The following NALCN variants were observed in gnomAD, a reference collection of about 807,000 sequenced individuals.
NALCN encodes the protein sodium leak channel NALCN.
A neutral mutation model predicts 225.3 loss-of-function variants in NALCN; 111 were observed. The ratio of observed to expected loss-of-function variants is 0.49; its 90% CI spans 0.42 to 0.58. The LOEUF is 0.58. Among genes scored for constraint, NALCN ranks in the 20% least tolerant of loss-of-function variants. NALCN has a pLI of 0.00. For synonymous variants in NALCN, 764 were observed against 769.0 expected (o/e 0.99, Z 0.11); for missense variants, 1,378 against 2,202.4 (o/e 0.63, Z 7.49).
chr13:101,191,141 A>G (rs2039663822), intron 14 of NALCN, among the ~76,000 whole-genome samples: 1 of 151,940 alleles, frequency 6.6e-6, no homozygotes, highest in Non-Finnish European at 1.5e-5. Context: ...TATTCCTGAT[A>G]AAGGGAAACA....
At chr13:101,129,307 A>T (rs1003489217) in intron 17 of NALCN, among the ~76,000 whole-genome samples, 23 of 152,316 alleles carry the variant, frequency 1.5e-4, no homozygotes, top group African/African-American at 5.3e-4. Context: ...ATTACTATTT[A>T]AAAAATGTCA....
intron 15 of NALCN, among the ~76,000 whole-genome samples, chr13:101,159,116 A>G (rs745547210): frequency 2.0e-5 from 3 of 152,232 alleles, no homozygotes; most frequent in African/African-American, 4.8e-5. Context: ...AAATAATAGG[A>G]AAGTGGGAAA....
intron 20 of NALCN, among the ~76,000 whole-genome samples, chr13:101,109,774 T>A (rs1278096187): frequency 6.6e-6 from 1 of 152,200 alleles, no homozygotes; most frequent in Non-Finnish European, 1.5e-5. Context: ...ATTTTTTTCA[T>A]GTCTCCTTCA....
At chr13:101,097,499 A>C (rs1461043295) in intron 27 of NALCN, among the ~76,000 whole-genome samples, 2 of 152,146 alleles carry the variant, frequency 1.3e-5, no homozygotes, top group Admixed American at 1.3e-4. Flanking sequence ...CTTTGATTGC[A>C]TGAAGCAGTC....
At chr13:101,380,508 G>T (rs928283720) in intron 3 of NALCN, among the ~76,000 whole-genome samples, 3 of 152,078 alleles carry the variant, frequency 2.0e-5, no homozygotes, top group Non-Finnish European at 4.4e-5. Flanking sequence ...ATTAAATCAT[G>T]AATTCTGTAA....
intron 10 of NALCN, among the ~76,000 whole-genome samples, chr13:101,281,016 G>T (rs2043151223): frequency 2.0e-5 from 3 of 151,954 alleles, no homozygotes; most frequent in African/African-American, 7.3e-5. Flanking sequence ...AAGTAGCTGG[G>T]ATTACAGGCG....
At position 101,245,815 on chromosome 13, in the gene NALCN, G is replaced by C. The variant is rs187569742; in HGVS notation, c.1267-7893C>G. Among the ~76,000 whole-genome samples the C allele has an allele frequency of 4.2e-3, 642 of 152,244 alleles. 4 individuals are homozygous for C. The highest frequency in any genetic ancestry group is 0.014 in the African/African-American group (591 of 41,542). ...CCCTTTGCAAACCCCCACCTTTTCT[G>C]TGCGGCAGATGGATAATTGAAAGTA... On this transcript the variant is annotated intron_variant, in intron 11 of 43. Transcript: ENST00000251127.
chr13:101,135,835 A>G (rs922285953), intron 17 of NALCN, among the ~76,000 whole-genome samples: 21 of 152,256 alleles, frequency 1.4e-4, no homozygotes, highest in Non-Finnish European at 5.9e-5. Context: ...AAGTTTAAAA[A>G]GAAGAGCAAA....
chr13:101,363,289 C>T (rs1228680938), intron 6 of NALCN, among the ~76,000 whole-genome samples: 3 of 152,046 alleles, frequency 2.0e-5, no homozygotes, highest in East Asian at 1.9e-4. Context: ...AAAGCAATCT[C>T]GTGCAAAAAG....
intron 15 of NALCN, among the ~76,000 whole-genome samples, chr13:101,168,384 G>A (rs1016147377): frequency 6.6e-6 from 1 of 151,924 alleles, no homozygotes; most frequent in East Asian, 1.9e-4. Context: ...GCATCTCAGG[G>A]AAAATATGAC....
At chr13:101,182,783 C>A (rs984713926) in intron 14 of NALCN, among the ~76,000 whole-genome samples, 6 of 152,132 alleles carry the variant, frequency 3.9e-5, no homozygotes, top group African/African-American at 4.8e-5. Context: ...ACAGAAGATT[C>A]AGGAGGTGCA....
intron 7 of NALCN, among the ~76,000 whole-genome samples, chr13:101,342,301 T>C (rs1251940684): frequency 1.3e-5 from 2 of 152,152 alleles, no homozygotes; most frequent in African/African-American, 4.8e-5. Flanking sequence ...TGAGAATCTG[T>C]TTGTTTTAAA....
chr13:101,217,559 G>A (rs1436302499), intron 13 of NALCN, among the ~76,000 whole-genome samples: 1 of 152,136 alleles, frequency 6.6e-6, no homozygotes, highest in Non-Finnish European at 1.5e-5. Context: ...TATACTGATA[G>A]AGTCCTAGCT....
chr13:101,267,646 CA>C (rs2140242902), intron 10 of NALCN, among the ~76,000 whole-genome samples: 1 of 152,332 alleles, frequency 6.6e-6, no homozygotes, highest in Admixed American at 6.5e-5. Flanking sequence ...GCATGGTGGC[CA>C]GGTGGCCATG....
intron 33 of NALCN, among the ~76,000 whole-genome samples, chr13:101,082,225 A>C (rs1344188033): frequency 6.6e-6 from 1 of 152,230 alleles, no homozygotes; most frequent in African/African-American, 2.4e-5. Flanking sequence ...AACTAAAAAT[A>C]AGAGTTTATT....
chr13:101,135,051 C>T (rs1457713749), intron 17 of NALCN, among the ~76,000 whole-genome samples: 5 of 152,006 alleles, frequency 3.3e-5, no homozygotes, highest in African/African-American at 9.7e-5. Context: ...AAAAATTAGC[C>T]GGGCGTGGTT....
At chr13:101,391,433 A>G (rs2047141300) in intron 3 of NALCN, among the ~76,000 whole-genome samples, 1 of 152,202 alleles carries the variant, frequency 6.6e-6, no homozygotes, top group African/African-American at 2.4e-5. Flanking sequence ...CTGTAATCCC[A>G]GCACTTTGGG....
At chr13:101,129,891 C>G (rs903537625) in intron 17 of NALCN, among the ~76,000 whole-genome samples, 1 of 151,512 alleles carries the variant, frequency 6.6e-6, no homozygotes, top group African/African-American at 2.4e-5. Flanking sequence ...CCCGATAGCA[C>G]CCAGTGTGTG....
At chr13:101,263,039 T>C (rs2042481515) in intron 10 of NALCN, among the ~76,000 whole-genome samples, 1 of 152,134 alleles carries the variant, frequency 6.6e-6, no homozygotes, top group African/African-American at 2.4e-5. Flanking sequence ...TTACCCGAGG[T>C]TGAAGAATTA....
Sources: gnomAD v4.1 joint callset for allele counts (sites outside exome capture counted in the v4.1 genomes callset) on GRCh38, gnomAD v4.1.1 for gene constraint, MANE v1.5 for transcripts, NCBI Gene and HGNC (gene_info 2026-07-23, HGNC 2026-07-21) for gene names.